NEXMIF: variants seen among roughly 807,000 people sequenced by gnomAD.
NEXMIF encodes XLMR protein related to neurite extension.
Under a neutral mutation model 62.1 loss-of-function variants are expected in NEXMIF, and 8 were observed. The observed-to-expected ratio is 0.13, with a 90% CI of 0.08 to 0.23. The LOEUF (loss-of-function observed/expected upper bound fraction) is 0.23, where lower values mean the gene tolerates loss of function less well. NEXMIF is among the 10% of genes least tolerant of loss of function. The probability of loss-of-function intolerance (pLI) is 1.00; values close to 1 mark genes in which losing one functional copy is unlikely to be tolerated. For missense variants in NEXMIF, 976 were observed against 1,113.3 expected (o/e 0.88, Z 1.75); for synonymous variants, 404 against 416.6 (o/e 0.97, Z 0.37).
intron 1 of NEXMIF, among the ~76,000 whole-genome samples, chrX:74,764,553 C>T (rs996403905): frequency 8.9e-6 from 1 of 111,794 alleles, no homozygotes; most frequent in African/African-American, 3.3e-5. Flanking sequence ...GTACCAGCTC[C>T]TCCTTGTACC....
chrX:74,837,955 G>A (rs201820692), intron 1 of NEXMIF, among the ~76,000 whole-genome samples: 1 of 111,654 alleles, frequency 9.0e-6, no homozygotes, highest in East Asian at 2.8e-4. Flanking sequence ...GTATGTGTGT[G>A]TGCATGCATG....
At chrX:74,843,404 T>C (rs756354897) in intron 1 of NEXMIF, among the ~76,000 whole-genome samples, 26 of 109,922 alleles carry the variant, frequency 2.4e-4, no homozygotes, top group Non-Finnish European at 3.2e-4. Flanking sequence ...AGCATACTAT[T>C]GGGTCTTGCT....
At position 74,875,563 on chromosome X, in the gene NEXMIF, G is replaced by T. The variant is rs748660910; in HGVS notation, c.-48+49320C>A. 2.3e-3 allele frequency among the ~76,000 whole-genome samples: 256 copies of T among 111,969 alleles called. 4 individuals carry two copies. The highest frequency in any genetic ancestry group is 8.0e-3 in the African/African-American group (248 of 30,815). ...TCTATTGATTGGAATAGTTTCAGAA[G>T]GAATGGTACCAGTTCCTCCTTGTAC... On this transcript the variant is annotated intron_variant, in intron 1 of 3. Transcript: ENST00000055682.
At chrX:74,775,953 T>C (rs938438883) in intron 1 of NEXMIF, among the ~76,000 whole-genome samples, 1 of 112,068 alleles carries the variant, frequency 8.9e-6, no homozygotes, top group African/African-American at 3.2e-5. Flanking sequence ...TTCTGTATGA[T>C]TTATTTATAC....
chrX:74,750,743 G>C (rs1325353721), intron 1 of NEXMIF, among the ~76,000 whole-genome samples: 1 of 111,324 alleles, frequency 9.0e-6, no homozygotes, highest in African/African-American at 3.3e-5. Flanking sequence ...AAGACCCTAA[G>C]CTAGAAATAC....
At chrX:74,880,185 T>C in intron 1 of NEXMIF, among the ~76,000 whole-genome samples, 1 of 112,023 alleles carries the variant, frequency 8.9e-6, no homozygotes, top group Non-Finnish European at 1.9e-5. Context: ...CCACATCACC[T>C]TACGTTACAC....
intron 1 of NEXMIF, among the ~76,000 whole-genome samples, chrX:74,859,640 A>G (rs1485943261): frequency 9.0e-6 from 1 of 111,655 alleles, no homozygotes; most frequent in Non-Finnish European, 1.9e-5. Context: ...TGGTGTGTAA[A>G]CTACTCTTAA....
Position 74,738,397 on chromosome X carries a change from A to G in NEXMIF, c.*1008T>C, listed in dbSNP as rs2080091475. On this transcript the variant is annotated 3_prime_UTR_variant, in exon 4 of 4. Coordinates refer to ENST00000055682, the MANE Select transcript of NEXMIF (RefSeq NM_001008537.3). Reference sequence around the variant, plus strand: ...TAAACACTGAAAGAACACTAAAGCCATGATATGAGTGCACTTTTGACAAAA... The same window carrying G: ...TAAACACTGAAAGAACACTAAAGCCGTGATATGAGTGCACTTTTGACAAAA... The G allele has an allele frequency of 8.9e-6, 1 of 111,933 alleles. No individual in the cohort carries two copies. The highest frequency in any genetic ancestry group is 1.9e-5 in the Non-Finnish European group (1 of 53,148). 9.2% of individuals were successfully genotyped at this position (111,933 alleles called of 1,213,427 possible).
chrX:74,822,082 A>C (rs1206449968), intron 1 of NEXMIF, among the ~76,000 whole-genome samples: 1 of 111,801 alleles, frequency 8.9e-6, no homozygotes, highest in Admixed American at 9.5e-5. Context: ...AGATCATTCA[A>C]TGAGGGAAAG....
intron 1 of NEXMIF, among the ~76,000 whole-genome samples, chrX:74,913,466 A>C: frequency 9.0e-6 from 1 of 111,567 alleles, no homozygotes. Flanking sequence ...GAAGAATAGA[A>C]GGCAGGACAG....
At position 74,739,404 on chromosome X, in the gene NEXMIF, A is replaced by T; in HGVS notation, c.*1T>A. On this transcript the variant is annotated 3_prime_UTR_variant, in exon 4 of 4. Coordinates refer to ENST00000055682, the MANE Select transcript of NEXMIF (RefSeq NM_001008537.3). Reference sequence around the variant, plus strand: ...ATTTTGAAAGAAATAAAACACAAACATCAAATGTCTTTCTGGAAAATGCGA... The same window carrying T: ...ATTTTGAAAGAAATAAAACACAAACTTCAAATGTCTTTCTGGAAAATGCGA... The T allele has an allele frequency of 8.4e-7, 1 of 1,184,783 alleles. No homozygotes were observed.
At chrX:74,885,173 A>G (rs982514869) in intron 1 of NEXMIF, among the ~76,000 whole-genome samples, 4 of 111,275 alleles carry the variant, frequency 3.6e-5, no homozygotes, top group Non-Finnish European at 7.5e-5. Flanking sequence ...TTATAGCACT[A>G]AATGCCCACA....
chrX:74,884,944 G>A (rs996844077), intron 1 of NEXMIF, among the ~76,000 whole-genome samples: 3 of 111,050 alleles, frequency 2.7e-5, no homozygotes, highest in African/African-American at 6.6e-5. Flanking sequence ...ATAACAAACT[G>A]TCTCTCAGAC....
At chrX:74,764,809 C>A (rs1344247948) in intron 1 of NEXMIF, among the ~76,000 whole-genome samples, 3 of 111,085 alleles carry the variant, frequency 2.7e-5, no homozygotes, top group South Asian at 3.8e-4. Flanking sequence ...GATTTTGGTT[C>A]TTTTGCCTTT....
Position 74,739,031 on chromosome X carries a change from A to C in NEXMIF, c.*374T>G, listed in dbSNP as rs2080093458. ...TTTGGTAAATTGTGTAACACAACAT[A>C]TTTTTCCACCATGATCTACAGGTGC... is the stretch of plus-strand genomic sequence containing the variant. On this transcript the variant is annotated 3_prime_UTR_variant, in exon 4 of 4. Transcript: ENST00000055682. The C allele has an allele frequency of 8.4e-6, 1 of 118,908 alleles. No homozygotes were observed. Among genetic ancestry groups the C allele is most frequent in the South Asian group, 3.6e-4 (1 of 2,788 alleles). 9.8% of individuals were successfully genotyped at this position (118,908 alleles called of 1,213,427 possible). A position where few individuals can be genotyped will look rare whatever the true frequency, so the allele number is the denominator to read the frequency against.
intron 1 of NEXMIF, among the ~76,000 whole-genome samples, chrX:74,867,736 T>C (rs1270433935): frequency 8.9e-6 from 1 of 112,133 alleles, no homozygotes; most frequent in Non-Finnish European, 1.9e-5. Context: ...AAAGATTTAA[T>C]GACAAAGACA....
At chrX:74,835,584 CTCT>C (rs2147486575) in intron 1 of NEXMIF, among the ~76,000 whole-genome samples, 1 of 111,624 alleles carries the variant, frequency 9.0e-6, no homozygotes, top group Non-Finnish European at 1.9e-5. Context: ...CAGAAAGGAA[CTCT>C]TGTTTTTTTT....
chrX:74,820,212 G>A (rs1351710612), intron 1 of NEXMIF, among the ~76,000 whole-genome samples: 3 of 110,211 alleles, frequency 2.7e-5, no homozygotes, highest in Non-Finnish European at 5.7e-5. Flanking sequence ...AGGAGGGATA[G>A]CATTAGGAGA....
chrX:74,834,946 C>T (rs1215779382), intron 1 of NEXMIF, among the ~76,000 whole-genome samples: 1 of 111,275 alleles, frequency 9.0e-6, no homozygotes, highest in Non-Finnish European at 1.9e-5. Flanking sequence ...TTAGATTTGC[C>T]CTGTTGAGGC....
Sources: gnomAD v4.1 joint callset for allele counts (sites outside exome capture counted in the v4.1 genomes callset) on GRCh38, gnomAD v4.1.1 for gene constraint, MANE v1.5 for transcripts, NCBI Gene and HGNC (gene_info 2026-07-23, HGNC 2026-07-21) for gene names.